The following SND1 variants were observed in gnomAD, a reference collection of about 807,000 sequenced individuals.
The protein encoded by SND1 is staphylococcal nuclease domain-containing protein 1.
SND1 carries 38 observed loss-of-function variants against 121.7 expected under a neutral mutation model. That is an observed-to-expected ratio of 0.31 (90% confidence interval 0.24 to 0.41). The LOEUF is 0.41. Among genes scored for constraint, SND1 ranks in the 10% least tolerant of loss-of-function variants. The pLI is 1.00. For missense variants in SND1, 868 were observed against 1,184.6 expected (o/e 0.73, Z 3.92); for synonymous variants, 401 against 447.4 (o/e 0.90, Z 1.31).
At chr7:127,839,318 TGTGGAATAGTGG>T (rs1798922644) in intron 11 of SND1, among the ~76,000 whole-genome samples, 1 of 152,156 alleles carries the variant, frequency 6.6e-6, no homozygotes, top group South Asian at 2.1e-4. Flanking sequence ...TGAGTGGCTA[TGTGGAATAGTGG>T]GTGGGATTAT....
At position 128,074,595 on chromosome 7, in the gene SND1, C is replaced by G. The variant is rs1199452509; in HGVS notation, c.1873C>G (p.His625Asp). The G allele has an allele frequency of 2.5e-6, 4 of 1,613,718 alleles. No individual in the cohort carries two copies. The highest frequency in any genetic ancestry group is 1.1e-5 in the South Asian group (1 of 91,078). Residue 625 changes from histidine (H) to aspartate (D), a missense_variant, in exon 17 of 24, where the codon CAC becomes GAC. By Grantham distance (81) the His-to-Asp change is moderately conservative. Transcript: ENST00000354725. ...CAACCTGTCCGTCCTGCTGGTGGAG[C>G]ACGCGCTCTCCAAGGTCCACTTCAC... is the stretch of plus-strand genomic sequence containing the variant. ...GANLSVLLVE[H>D]ALSKVHFTAE...
chr7:127,686,824 T>C (rs1406229562), intron 2 of SND1, 62 bp downstream of exon 2: 1 of 1,534,610 alleles, frequency 6.5e-7, no homozygotes, highest in East Asian at 2.3e-5. Flanking sequence ...CTGTCTTCTG[T>C]CGCTGATGCC....
rs150656584 is a variant in SND1 at position 127,888,169 on chromosome 7, C to T, written c.1454+157C>T. On this transcript the variant is annotated intron_variant, in intron 13 of 23. Coordinates refer to ENST00000354725, the MANE Select transcript of SND1 (RefSeq NM_014390.4). ...TTTTCCCCATGAAAAGAAGGACACA[C>T]TTTGAACTTGCTGTCTAATTTTGTT... is the stretch of plus-strand genomic sequence containing the variant. Among the ~76,000 whole-genome samples the T allele has an allele frequency of 8.7e-4, 133 of 152,206 alleles. 2 individuals are homozygous for T. Among genetic ancestry groups the T allele is most frequent in the African/African-American group, 3.1e-3 (130 of 41,556 alleles).
chr7:127,909,910 A>T (rs1800418971), intron 14 of SND1, among the ~76,000 whole-genome samples: 1 of 152,208 alleles, frequency 6.6e-6, no homozygotes, highest in African/African-American at 2.4e-5. Flanking sequence ...TAAAACAGTT[A>T]GATAAGATTA....
chr7:128,033,861 C>T (rs556920837), intron 16 of SND1, among the ~76,000 whole-genome samples: 3 of 152,302 alleles, frequency 2.0e-5, no homozygotes, highest in Admixed American at 2.0e-4. Context: ...AAGTATTCTC[C>T]TAGTGGGATG....
At chr7:127,715,431 T>C (rs1562988649) in intron 9 of SND1, among the ~76,000 whole-genome samples, 1 of 152,174 alleles carries the variant, frequency 6.6e-6, no homozygotes, top group Non-Finnish European at 1.5e-5. Flanking sequence ...GTCATGAGCG[T>C]AGTACCCAAT....
At chr7:127,837,363 G>A (rs999793655) in intron 11 of SND1, among the ~76,000 whole-genome samples, 14 of 152,144 alleles carry the variant, frequency 9.2e-5, no homozygotes, top group African/African-American at 3.1e-4. Flanking sequence ...GTTATATATT[G>A]ACACGATGTT....
intron 11 of SND1, among the ~76,000 whole-genome samples, chr7:127,816,621 G>A (rs1340463653): frequency 5.4e-5 from 8 of 149,082 alleles, no homozygotes; most frequent in Admixed American, 1.3e-4. Flanking sequence ...GCCTTAATAC[G>A]TTAACAAGTA....
At chr7:127,709,267 A>C (rs992230114) in intron 9 of SND1, among the ~76,000 whole-genome samples, 2 of 152,226 alleles carry the variant, frequency 1.3e-5, no homozygotes, top group African/African-American at 4.8e-5. Context: ...TCCCGTAGTT[A>C]GCATAGCTGT....
intron 16 of SND1, among the ~76,000 whole-genome samples, chr7:128,019,416 A>G (rs372831695): frequency 1.1e-4 from 16 of 152,352 alleles, no homozygotes; most frequent in African/African-American, 3.8e-4. Flanking sequence ...CAACACCAGC[A>G]TAACACAGGC....
chr7:128,071,779 T>G (rs1436324882), intron 16 of SND1, among the ~76,000 whole-genome samples: 2 of 152,130 alleles, frequency 1.3e-5, no homozygotes, highest in Admixed American at 1.3e-4. Flanking sequence ...ATTGAGAAAT[T>G]ACTGTGGCTG....
chr7:127,757,003 AAT>A (rs1014861103), intron 10 of SND1, among the ~76,000 whole-genome samples: 4 of 152,176 alleles, frequency 2.6e-5, no homozygotes, highest in Non-Finnish European at 4.4e-5. Flanking sequence ...TGTACAATTA[AAT>A]ATATATATCT....
rs1563077434 is a variant in SND1, at chr7:127,980,112, T to TAAAGTAAAG, written c.1670-10835_1670-10834insAAAGTAAAG. Among the ~76,000 whole-genome samples, 271 of 47,224 alleles carry TAAAGTAAAG rather than the reference T, an allele frequency of 5.7e-3. 20 individuals carry two copies. The highest frequency in any genetic ancestry group is 0.01 in the African/African-American group (40 of 3,848). 31.0% of individuals were successfully genotyped at this position (47,224 alleles called of 152,430 possible). The stretch of plus-strand genomic sequence containing the variant: ...TTTATTTTATTTTATTCTTTTTCTT[T>TAAAGTAAAG]TTTTTTTTTTTTTTTTTTGAGACGG... On this transcript the variant is annotated intron_variant, in intron 15 of 23. Coordinates refer to ENST00000354725, the MANE Select transcript of SND1 (RefSeq NM_014390.4).
intron 16 of SND1, chr7:128,030,104 C>T: frequency 6.2e-7 from 1 of 1,613,990 alleles, no homozygotes; most frequent in Non-Finnish European, 8.5e-7. Context: ...TCTTGAGCTC[C>T]CCCAAGTCCA....
intron 13 of SND1, among the ~76,000 whole-genome samples, chr7:127,896,282 C>T (rs1301136756): frequency 6.6e-6 from 1 of 152,082 alleles, no homozygotes; most frequent in Non-Finnish European, 1.5e-5. Flanking sequence ...GCTTCTTTCA[C>T]ACAACCCAAA....
At chr7:127,873,389 C>T (rs1799632907) in intron 12 of SND1, among the ~76,000 whole-genome samples, 1 of 152,130 alleles carries the variant, frequency 6.6e-6, no homozygotes, top group African/African-American at 2.4e-5. Flanking sequence ...CTTTCCTGGA[C>T]TCCGTAATTG....
chr7:127,790,760 A>C (rs946487128), intron 10 of SND1, among the ~76,000 whole-genome samples: 1 of 152,206 alleles, frequency 6.6e-6, no homozygotes, highest in African/African-American at 2.4e-5. Context: ...TTTTATTAGA[A>C]AATTCACAGA....
intron 1 of SND1, among the ~76,000 whole-genome samples, chr7:127,666,266 T>C (rs1795416829): frequency 6.6e-6 from 1 of 152,234 alleles, no homozygotes; most frequent in Admixed American, 6.5e-5. Flanking sequence ...GTGGGGCTGC[T>C]AGCCCGGACT....
chr7:127,794,822 CATTA>C (rs2116549666), intron 10 of SND1, among the ~76,000 whole-genome samples: 1 of 152,286 alleles, frequency 6.6e-6, no homozygotes, highest in East Asian at 1.9e-4. Context: ...AAGATTTCTC[CATTA>C]CTAGAAAACA....
Sources: allele counts gnomAD v4.1 joint callset (sites outside exome capture counted in the v4.1 genomes callset), GRCh38; gene constraint gnomAD v4.1.1; transcripts MANE v1.5; gene names NCBI Gene and HGNC (gene_info 2026-07-23, HGNC 2026-07-21).